The following ZFAT variants were observed in gnomAD, a reference collection of about 807,000 sequenced individuals.
ZFAT encodes the protein zinc finger and AT-hook domain containing.
ZFAT carries 64 observed loss-of-function variants against 117.7 expected under a neutral mutation model. That is an observed-to-expected ratio of 0.54 (90% CI 0.44 to 0.67). The LOEUF (loss-of-function observed/expected upper bound fraction) is 0.67, where lower values mean the gene tolerates loss of function less well. Among genes scored for constraint, ZFAT ranks in the 30% least tolerant of loss-of-function variants. The pLI, the probability that ZFAT is intolerant of heterozygous loss-of-function variation, is 0.00. For missense variants in ZFAT, 1,433 were observed against 1,584.5 expected (o/e 0.90, Z 1.62); for synonymous variants, 679 against 615.0 (o/e 1.10, Z -1.54).
intron 15 of ZFAT, among the ~76,000 whole-genome samples, chr8:134,507,680 C>A (rs1028061257): frequency 6.6e-6 from 1 of 152,152 alleles, no homozygotes; most frequent in African/African-American, 2.4e-5. Context: ...AGCTATAACC[C>A]AACCCCTGTG....
At chr8:134,489,081 A>G (rs917881688) in intron 15 of ZFAT, among the ~76,000 whole-genome samples, 1 of 151,264 alleles carries the variant, frequency 6.6e-6, no homozygotes, top group Non-Finnish European at 1.5e-5. Flanking sequence ...ATCATGAAGG[A>G]TCTTATAGGA....
At chr8:134,809,335 A>G in the ZFAT span, among the ~76,000 whole-genome samples, 1 of 152,238 alleles carries the variant, frequency 6.6e-6, no homozygotes. Context: ...TGACCCATAC[A>G]GAATCTTCAA....
chr8:134,797,260 AC>A, the ZFAT span: 4 of 152,076 alleles, frequency 2.6e-5, no homozygotes, highest in African/African-American at 9.7e-5. Context: ...TTTTCAGATA[AC>A]CTATAAAGTG....
intron 1 of ZFAT, among the ~76,000 whole-genome samples, chr8:134,686,882 C>T (rs933603605): frequency 2.6e-5 from 4 of 152,212 alleles, no homozygotes; most frequent in African/African-American, 9.6e-5. Context: ...TTCTTTATCC[C>T]TCATTGTCTC....
At chr8:134,824,628 GCCTCT>G in the ZFAT span, among the ~76,000 whole-genome samples, 1 of 152,120 alleles carries the variant, frequency 6.6e-6, no homozygotes, top group East Asian at 1.9e-4. Context: ...CTTACTTCAT[GCCTCT>G]CCTGACATGA....
intron 1 of ZFAT, among the ~76,000 whole-genome samples, chr8:134,700,178 T>C (rs1371075021): frequency 1.3e-5 from 2 of 152,166 alleles, no homozygotes; most frequent in African/African-American, 4.8e-5. Context: ...TCAGATGACA[T>C]GTTTAGCTAC....
At chr8:134,479,725 C>T (rs756644031) in intron 15 of ZFAT, among the ~76,000 whole-genome samples, 1 of 152,102 alleles carries the variant, frequency 6.6e-6, no homozygotes. Context: ...GGGGAGAGCA[C>T]GTGCTTTGTC....
At chr8:134,769,728 T>C in the ZFAT span, among the ~76,000 whole-genome samples, 1 of 152,198 alleles carries the variant, frequency 6.6e-6, no homozygotes, top group Non-Finnish European at 1.5e-5. Flanking sequence ...AAGTTCTCCA[T>C]GAGCCACGCC....
At chr8:134,520,038 G>T (rs950954615) in intron 13 of ZFAT, among the ~76,000 whole-genome samples, 1 of 152,016 alleles carries the variant, frequency 6.6e-6, no homozygotes, top group Non-Finnish European at 1.5e-5. Context: ...TTTTTCATAT[G>T]TTGTGGATTC....
intron 4 of ZFAT, 65 bp from the exon 5 acceptor site, chr8:134,608,944 A>G: frequency 6.5e-7 from 1 of 1,535,434 alleles, no homozygotes; most frequent in Non-Finnish European, 8.7e-7. Context: ...ACCCCATCGC[A>G]GCAGAGGGGA....
intron 7 of ZFAT, among the ~76,000 whole-genome samples, chr8:134,595,909 G>A (rs899321620): frequency 6.6e-6 from 1 of 152,232 alleles, no homozygotes; most frequent in Non-Finnish European, 1.5e-5. Context: ...TTGAAGGGCA[G>A]GTGGGAGAGA....
upstream of ZFAT, among the ~76,000 whole-genome samples, chr8:134,713,215 C>A (rs972956408): frequency 6.6e-6 from 1 of 152,092 alleles, no homozygotes; most frequent in Non-Finnish European, 1.5e-5. Context: ...GAGCCACGCC[C>A]AGGGAGGGGC....
chr8:134,507,244 A>G (rs1345010819), intron 15 of ZFAT, among the ~76,000 whole-genome samples: 3 of 152,230 alleles, frequency 2.0e-5, no homozygotes, highest in Non-Finnish European at 4.4e-5. Flanking sequence ...AAATACTGCT[A>G]TATTTCAATT....
chr8:134,780,513 T>C, the ZFAT span, among the ~76,000 whole-genome samples: 12 of 152,256 alleles, frequency 7.9e-5, no homozygotes, highest in Admixed American at 4.6e-4. Flanking sequence ...ATTGTGTCTC[T>C]TTACTATTTA....
intron 1 of ZFAT, chr8:134,673,445 A>G: frequency 4.8e-6 from 1 of 206,920 alleles, no homozygotes. Flanking sequence ...CAGTTTCTGC[A>G]TATTTAACAG....
intron 13 of ZFAT, among the ~76,000 whole-genome samples, chr8:134,516,637 C>T (rs888805408): frequency 3.3e-5 from 5 of 152,028 alleles, no homozygotes; most frequent in Middle Eastern, 3.4e-3. Flanking sequence ...GAGTTTGAGA[C>T]CAGCCTAGGC....
the ZFAT span, among the ~76,000 whole-genome samples, chr8:134,787,549 T>C: frequency 5.9e-5 from 9 of 152,208 alleles, no homozygotes; most frequent in Admixed American, 3.9e-4. Context: ...TATTTGTCTA[T>C]CCTTATGCCA....
At chr8:134,509,509 C>A (rs1819653121) in intron 15 of ZFAT, 110 bp downstream of exon 15, 1 of 1,507,546 alleles carries the variant, frequency 6.6e-7, no homozygotes, top group Non-Finnish European at 9.0e-7. Context: ...AGACCAATTT[C>A]ATTCCAAGTT....
intron 12 of ZFAT, among the ~76,000 whole-genome samples, chr8:134,522,723 T>C (rs1230703329): frequency 6.6e-6 from 1 of 152,124 alleles, no homozygotes; most frequent in Non-Finnish European, 1.5e-5. Flanking sequence ...CTGAGACAAA[T>C]CACAAAGCCA....
Sources: gnomAD v4.1 joint callset for allele counts (sites outside exome capture counted in the v4.1 genomes callset) on GRCh38, gnomAD v4.1.1 for gene constraint, MANE v1.5 for transcripts, NCBI Gene and HGNC (gene_info 2026-07-23, HGNC 2026-07-21) for gene names.